Variants in CACNA2D1 observed in about 807,000 individuals in gnomAD.
The protein encoded by CACNA2D1 is voltage-dependent calcium channel subunit alpha-2/delta-1.
A neutral mutation model predicts 171.5 loss-of-function variants in CACNA2D1; 53 were observed. The observed-to-expected ratio is 0.31, with a 90% CI of 0.25 to 0.39. The LOEUF is 0.39. Among genes scored for constraint, CACNA2D1 ranks in the 10% least tolerant of loss-of-function variants. The probability of loss-of-function intolerance (pLI) is 1.00; values close to 1 mark genes in which losing one functional copy is unlikely to be tolerated. For synonymous variants in CACNA2D1, 442 were observed against 443.1 expected, an observed-to-expected ratio of 1.00 and a Z score of 0.03; for missense variants, 903 against 1,299.8, an observed-to-expected ratio of 0.69 and a Z score of 4.69.
chr7:82,015,920 G>A (rs1400726928), intron 12 of CACNA2D1, among the ~76,000 whole-genome samples: 3 of 152,084 alleles, frequency 2.0e-5, no homozygotes, highest in Non-Finnish European at 4.4e-5. Context: ...TAAGGTTTTA[G>A]GTGAGCCACT....
At chr7:82,077,382 GC>G (rs1234622576) in intron 7 of CACNA2D1, among the ~76,000 whole-genome samples, 1 of 152,168 alleles carries the variant, frequency 6.6e-6, no homozygotes, top group Non-Finnish European at 1.5e-5. Flanking sequence ...TAAAAAGGGG[GC>G]AAAGAAGAAT....
intron 3 of CACNA2D1, among the ~76,000 whole-genome samples, chr7:82,293,547 G>A (rs536470287): frequency 4.7e-4 from 71 of 152,216 alleles, no homozygotes; most frequent in African/African-American, 1.5e-3. Context: ...CAGAAATTAC[G>A]TTTACAAACT....
chr7:82,425,087 C>T (rs1414886946), intron 1 of CACNA2D1, among the ~76,000 whole-genome samples: 2 of 152,130 alleles, frequency 1.3e-5, no homozygotes, highest in Non-Finnish European at 2.9e-5. Context: ...AAAGGTAACA[C>T]GATTCTGCAG....
intron 3 of CACNA2D1, among the ~76,000 whole-genome samples, chr7:82,201,630 C>G (rs1263500968): frequency 6.6e-6 from 1 of 152,184 alleles, no homozygotes; most frequent in Non-Finnish European, 1.5e-5. Flanking sequence ...TGCCCCTTCT[C>G]TAAAGAATGA....
chr7:82,284,126 G>A (rs2887154), intron 3 of CACNA2D1, among the ~76,000 whole-genome samples: 30,118 of 150,990 alleles, frequency 0.2, 3,536 homozygotes, highest in Non-Finnish European at 0.25. Context: ...GGCAGGAGGT[G>A]GAGGCTCTAC....
rs79077121 is a variant in CACNA2D1, at chr7:82,144,186, A to AT, written c.355-7511dup. On this transcript the variant is annotated intron_variant, in intron 4 of 38. Coordinates refer to ENST00000356860, the MANE Select transcript of CACNA2D1 (RefSeq NM_000722.4). ...TGGCTTCTTGGTGATAGGAAAAATC[A>AT]TTTTTTTTTCTTAAGCTAGTAAGAA... is the stretch of plus-strand genomic sequence containing the variant. Among the ~76,000 whole-genome samples the AT allele has an allele frequency of 7.1e-4, 107 of 151,214 alleles. 1 individual carries two copies. The highest frequency in any genetic ancestry group is 2.4e-3 in the African/African-American group (97 of 41,228).
intron 6 of CACNA2D1, among the ~76,000 whole-genome samples, chr7:82,094,793 T>C (rs1042024655): frequency 1.4e-5 from 2 of 146,578 alleles, no homozygotes; most frequent in African/African-American, 5.2e-5. Context: ...CAAAAGATAA[T>C]AGAGGATGGT....
At chr7:82,192,845 T>C (rs1798481869) in intron 3 of CACNA2D1, among the ~76,000 whole-genome samples, 1 of 151,548 alleles carries the variant, frequency 6.6e-6, no homozygotes, top group African/African-American at 2.4e-5. Flanking sequence ...ATCTCCGTAC[T>C]TTGAGATTGC....
chr7:81,955,656 G>A (rs777379195), intron 38 of CACNA2D1, among the ~76,000 whole-genome samples: 48 of 151,762 alleles, frequency 3.2e-4, no homozygotes, highest in Admixed American at 1.3e-3. Flanking sequence ...CAATTATGAA[G>A]CTCCATACCA....
At chr7:82,115,669 A>G (rs1788959102) in intron 6 of CACNA2D1, among the ~76,000 whole-genome samples, 1 of 151,910 alleles carries the variant, frequency 6.6e-6, no homozygotes, top group East Asian at 1.9e-4. Context: ...AATTTGATCA[A>G]AGATAAAATT....
intron 3 of CACNA2D1, among the ~76,000 whole-genome samples, chr7:82,271,067 G>T (rs908782616): frequency 3.9e-5 from 6 of 152,032 alleles, no homozygotes; most frequent in Non-Finnish European, 5.9e-5. Flanking sequence ...TTTAACCCCA[G>T]ATTCAGGCCT....
At chr7:82,264,884 G>A (rs1807612838) in intron 3 of CACNA2D1, among the ~76,000 whole-genome samples, 1 of 152,008 alleles carries the variant, frequency 6.6e-6, no homozygotes, top group South Asian at 2.1e-4. Flanking sequence ...TTATAATAGA[G>A]TCCCCTAATC....
At chr7:82,280,578 G>A (rs561169078) in intron 3 of CACNA2D1, among the ~76,000 whole-genome samples, 25 of 152,306 alleles carry the variant, frequency 1.6e-4, no homozygotes, top group Middle Eastern at 3.4e-3. Flanking sequence ...TTTAAATTTA[G>A]AAACCAATTT....
chr7:82,376,442 GAGATAAAA>G (rs1335738519), intron 1 of CACNA2D1, among the ~76,000 whole-genome samples: 10 of 152,164 alleles, frequency 6.6e-5, no homozygotes, highest in African/African-American at 2.4e-4. Flanking sequence ...AAACAACCAT[GAGATAAAA>G]TATAACCTTT....
intron 1 of CACNA2D1, among the ~76,000 whole-genome samples, chr7:82,435,237 G>A (rs2129459290): frequency 1.3e-5 from 2 of 151,794 alleles, no homozygotes; most frequent in East Asian, 1.9e-4. Flanking sequence ...GGGTTTCACC[G>A]TGTTAGCCAG....
intron 7 of CACNA2D1, among the ~76,000 whole-genome samples, chr7:82,075,093 A>T (rs1808800017): frequency 6.6e-6 from 1 of 152,036 alleles, no homozygotes; most frequent in Non-Finnish European, 1.5e-5. Flanking sequence ...ACTCCCACTT[A>T]TGAGTGAGAA....
intron 6 of CACNA2D1, 80 bp downstream of exon 6, chr7:82,116,964 T>G: frequency 6.7e-7 from 1 of 1,487,328 alleles, no homozygotes; most frequent in Middle Eastern, 1.7e-4. Context: ...ATTTGCTCTT[T>G]TTTTTCCCCC....
At chr7:82,127,659 C>CA (rs1040780259) in intron 5 of CACNA2D1, among the ~76,000 whole-genome samples, 1 of 151,854 alleles carries the variant, frequency 6.6e-6, no homozygotes, top group African/African-American at 2.4e-5. Context: ...TTGCTACCTA[C>CA]AAAAAAACAA....
Position 82,098,936 on chromosome 7 carries a change from T to C in CACNA2D1, c.527-14036A>G, listed in dbSNP as rs146372131. On this transcript the variant is annotated intron_variant, in intron 6 of 38. Coordinates refer to ENST00000356860, the MANE Select transcript of CACNA2D1 (RefSeq NM_000722.4). ...CAGTAAGATGTAATACCAAAATGCA[T>C]ATTTCTCAAAACACAAAATTAGACA... Among the ~76,000 whole-genome samples, 557 of 152,322 alleles carry C rather than the reference T, an allele frequency of 3.7e-3. 1 individual carries two copies. The highest frequency in any genetic ancestry group is 6.4e-3 in the Non-Finnish European group (433 of 68,026).
Sources: allele counts gnomAD v4.1 joint callset (sites outside exome capture counted in the v4.1 genomes callset), GRCh38; gene constraint gnomAD v4.1.1; transcripts MANE v1.5; gene names NCBI Gene and HGNC (gene_info 2026-07-23, HGNC 2026-07-21).